NLRP8: variants seen among roughly 807,000 people sequenced by gnomAD.
The protein encoded by NLRP8 is NACHT, LRR and PYD domains-containing protein 8.
In NLRP8, 86 loss-of-function variants were observed where a neutral mutation model predicts 88.7. The observed-to-expected ratio is 0.97, with a 90% confidence interval of 0.81 to 1.16. NLRP8 has a LOEUF of 1.16. NLRP8 is among the 50% of genes most tolerant of loss of function. The pLI, the probability that NLRP8 is intolerant of heterozygous loss-of-function variation, is 0.00. For synonymous variants in NLRP8, 504 were observed against 494.6 expected, an observed-to-expected ratio of 1.02 and a Z score of -0.25; for missense variants, 1,342 against 1,286.5, an observed-to-expected ratio of 1.04 and a Z score of -0.66.
Position 55,956,107 on chromosome 19 carries a change from G to GGTCCCTCCA in NLRP8, c.2042+7_2042+8insGTCCCTCCA. The GGTCCCTCCA allele has an allele frequency of 6.2e-7, 1 of 1,606,688 alleles. No individual in the cohort carries two copies. The highest frequency in any genetic ancestry group is 8.5e-7 in the Non-Finnish European group (1 of 1,175,774). On this transcript the variant is annotated splice_region_variant and intron_variant, in intron 3 of 9. Transcript: ENST00000291971. ...GCTCCCATCCTGGCTCTGAGTAAGT[G>GGTCCCTCCA]CTTCGGTCCCTCCTTGGGTAGCCCG...
In NLRP8 at chr19:55,988,134, T is replaced by C; in HGVS notation, c.*221T>C. On this transcript the variant is annotated 3_prime_UTR_variant, in exon 10 of 10. Coordinates refer to ENST00000291971, the MANE Select transcript of NLRP8 (RefSeq NM_176811.2). The stretch of plus-strand genomic sequence containing the variant: ...AAGGCTGGGCGTGGTGGCTCACGCC[T>C]GTAACCCAGCACTATGGGAGGTCGA... The C allele has an allele frequency of 2.4e-6, 1 of 424,224 alleles. No homozygotes were observed. Among genetic ancestry groups the C allele is most frequent in the South Asian group, 2.6e-5 (1 of 38,916 alleles). 26.3% of individuals were successfully genotyped at this position (424,224 alleles called of 1,614,324 possible).
At chr19:55,976,415 C>T in intron 8 of NLRP8, 112 bp downstream of exon 8, 1 of 927,646 alleles carries the variant, frequency 1.1e-6, no homozygotes, top group Non-Finnish European at 1.5e-6. Context: ...TGGATTGTTC[C>T]CTCCATTGAA....
intron 3 of NLRP8, 90 bp from the exon 4 acceptor site, chr19:55,961,977 C>T: frequency 1.5e-6 from 2 of 1,363,974 alleles, no homozygotes; most frequent in Non-Finnish European, 2.0e-6. Context: ...ATGGCCCTAA[C>T]CAGGATAGGG....
intron 5 of NLRP8, among the ~76,000 whole-genome samples, chr19:55,969,173 T>C (rs996617594): frequency 1.3e-5 from 2 of 152,200 alleles, no homozygotes; most frequent in Non-Finnish European, 2.9e-5. Context: ...AATTCTTTAG[T>C]GGTGATTTCT....
At chr19:55,951,991 A>G (rs1053826780) in intron 1 of NLRP8, among the ~76,000 whole-genome samples, 3 of 152,170 alleles carry the variant, frequency 2.0e-5, no homozygotes, top group Admixed American at 6.5e-5. Flanking sequence ...GGCTCAAGCA[A>G]TCCTCCTGCC....
At chr19:55,959,234 CAG>C (rs1335987817) in intron 3 of NLRP8, among the ~76,000 whole-genome samples, 4 of 148,300 alleles carry the variant, frequency 2.7e-5, no homozygotes, top group African/African-American at 1.0e-4. Flanking sequence ...TGTTTTGAGA[CAG>C]AGTCTTGCTC....
chr19:55,952,861 GGGTT>G (rs1216226656), intron 2 of NLRP8, among the ~76,000 whole-genome samples: 1 of 152,048 alleles, frequency 6.6e-6, no homozygotes, highest in Non-Finnish European at 1.5e-5. Flanking sequence ...GGGAGGCGGA[GGGTT>G]GCAGTGAGGT....
chr19:55,977,298 TATAA>T (rs1222407476), intron 8 of NLRP8, among the ~76,000 whole-genome samples: 1 of 145,744 alleles, frequency 6.9e-6, no homozygotes, highest in African/African-American at 2.5e-5. Context: ...ATACTTATTT[TATAA>T]ATATTTATAT....
At chr19:55,962,342 C>T (rs1396977399) in intron 4 of NLRP8, 105 bp downstream of exon 4, 11 of 1,245,430 alleles carry the variant, frequency 8.8e-6, no homozygotes, top group South Asian at 4.3e-5. Flanking sequence ...CCGGAAAGCA[C>T]CCATGTCCAG....
At chr19:55,967,845 GTCATAGATTA>G (rs1979911065) in intron 5 of NLRP8, among the ~76,000 whole-genome samples, 1 of 152,184 alleles carries the variant, frequency 6.6e-6, no homozygotes, top group Non-Finnish European at 1.5e-5. Context: ...AACAACAAAA[GTCATAGATTA>G]TCAAAATGCA....
rs756054137 is a variant in NLRP8 at position 55,954,842 on chromosome 19, CA to C, written c.788del (p.Lys263SerfsTer40). 5.6e-6 allele frequency: 9 copies of C among 1,614,200 alleles called. No homozygotes were observed. The highest frequency in any genetic ancestry group is 7.6e-6 in the Non-Finnish European group (9 of 1,180,030). ...CCAGAGCTTCTCCGAGCTGATTGAG[CA>C]AAAGTGGCCTGGATCTCAGGACCTC... is the stretch of plus-strand genomic sequence containing the variant. On this transcript the variant is annotated frameshift_variant, in exon 3 of 10. Transcript: ENST00000291971. LOFTEE classifies it high-confidence loss of function.
At chr19:55,959,856 A>G (rs1250992098) in intron 3 of NLRP8, among the ~76,000 whole-genome samples, 1 of 152,168 alleles carries the variant, frequency 6.6e-6, no homozygotes, top group Non-Finnish European at 1.5e-5. Context: ...CTAATCTATA[A>G]GGAAGGTCTG....
intron 9 of NLRP8, among the ~76,000 whole-genome samples, chr19:55,985,995 C>T (rs1259924956): frequency 6.6e-6 from 1 of 151,738 alleles, no homozygotes; most frequent in Non-Finnish European, 1.5e-5. Flanking sequence ...CAAGACTCCA[C>T]ATCAAAAAAA....
rs559090018 is a variant in NLRP8 at position 55,987,732 on chromosome 19, T to G, written c.3048-82T>G. On this transcript the variant is annotated intron_variant, in intron 9 of 9. Transcript: ENST00000291971. ...AGGGGTACGGTCTGTAGAAAAAGCA[T>G]AGAGACAAAATGCAAGCTTAGGGAA... is the stretch of plus-strand genomic sequence containing the variant. 7.9e-6 allele frequency: 8 copies of G among 1,014,160 alleles called. No individual in the cohort carries two copies. The East Asian group carries it at 1.7e-4, about 21-fold the overall frequency. 62.8% of individuals were successfully genotyped at this position (1,014,160 alleles called of 1,614,324 possible). A position where few individuals can be genotyped will look rare whatever the true frequency, so the allele number is the denominator to read the frequency against.
intron 3 of NLRP8, among the ~76,000 whole-genome samples, chr19:55,958,261 C>T (rs574138424): frequency 3.7e-4 from 57 of 152,310 alleles, no homozygotes; most frequent in African/African-American, 1.3e-3. Flanking sequence ...CCTGTCTTTC[C>T]ATGAAAGACT....
chr19:55,959,185 A>AT (rs921482774), intron 3 of NLRP8, among the ~76,000 whole-genome samples: 19 of 148,666 alleles, frequency 1.3e-4, no homozygotes, highest in Admixed American at 3.4e-4. Context: ...GCCAGGGTGT[A>AT]TTTTTTTGTT....
At chr19:55,949,559 C>A (rs1568457213) in intron 1 of NLRP8, among the ~76,000 whole-genome samples, 2 of 152,108 alleles carry the variant, frequency 1.3e-5, no homozygotes, top group Non-Finnish European at 2.9e-5. Flanking sequence ...TTAAAAAAAT[C>A]AGTATCCACA....
In NLRP8 at chr19:55,967,216, TTCAA is replaced by T. The variant is rs1430357344; in HGVS notation, c.2381+840_2381+843del. Among the ~76,000 whole-genome samples, 85 of 152,362 alleles carry T rather than the reference TTCAA, an allele frequency of 5.6e-4. 1 individual carries two copies. The highest frequency in any genetic ancestry group is 1.9e-4 in the Non-Finnish European group (13 of 68,040). On this transcript the variant is annotated intron_variant, in intron 5 of 9. Coordinates refer to ENST00000291971, the MANE Select transcript of NLRP8 (RefSeq NM_176811.2). ...CCGAGGCTGCAATTTTTTGAATTTT[TTCAA>T]TCAGAGTTTGGTGATGACCTTGAGC...
At chr19:55,957,808 G>A (rs1418037626) in intron 3 of NLRP8, among the ~76,000 whole-genome samples, 6 of 150,034 alleles carry the variant, frequency 4.0e-5, no homozygotes, top group Non-Finnish European at 8.9e-5. Context: ...GATACAAACT[G>A]TTACCACTCA....
Sources: allele counts gnomAD v4.1 joint callset (sites outside exome capture counted in the v4.1 genomes callset), GRCh38; gene constraint gnomAD v4.1.1; transcripts MANE v1.5; gene names NCBI Gene and HGNC (gene_info 2026-07-23, HGNC 2026-07-21).